ADGRF5: variants seen among roughly 807,000 people sequenced by gnomAD.
The protein encoded by ADGRF5 is G-protein coupled receptor 116.
A neutral mutation model predicts 132.3 loss-of-function variants in ADGRF5; 75 were observed. The observed-to-expected ratio is 0.57, with a 90% CI of 0.47 to 0.69. The LOEUF (loss-of-function observed/expected upper bound fraction) is 0.69. Ranked by LOEUF, ADGRF5 falls within the 30% of genes least tolerant of loss-of-function variation. The pLI, the probability that ADGRF5 is intolerant of heterozygous loss-of-function variation, is 0.00. For synonymous variants in ADGRF5, 629 were observed against 597.6 expected, an observed-to-expected ratio of 1.05 and a Z score of -0.77; for missense variants, 1,516 against 1,630.6, an observed-to-expected ratio of 0.93 and a Z score of 1.21.
At chr6:46,935,086 C>T (rs1402665262) in intron 1 of ADGRF5, among the ~76,000 whole-genome samples, 1 of 149,328 alleles carries the variant, frequency 6.7e-6, no homozygotes, top group Non-Finnish European at 1.5e-5. Flanking sequence ...TCACTGCAAC[C>T]TCCGCCTCCC....
chr6:46,854,811 T>C (rs904581369), intron 20 of ADGRF5: 29 of 1,246,624 alleles, frequency 2.3e-5, no homozygotes, highest in Middle Eastern at 3.3e-4. Flanking sequence ...TTACGGTGCT[T>C]ATGGGGCCCC....
intron 1 of ADGRF5, among the ~76,000 whole-genome samples, chr6:46,949,811 A>C (rs1582090945): frequency 1.3e-5 from 2 of 152,336 alleles, no homozygotes; most frequent in Admixed American, 1.3e-4. Flanking sequence ...ATGTGTTTGC[A>C]GCACAAGAAG....
intron 1 of ADGRF5, among the ~76,000 whole-genome samples, chr6:46,951,902 A>G (rs1037006975): frequency 6.6e-6 from 1 of 152,216 alleles, no homozygotes; most frequent in Non-Finnish European, 1.5e-5. Flanking sequence ...TGGCTCTCTT[A>G]AGATCTCTTC....
intron 10 of ADGRF5, among the ~76,000 whole-genome samples, chr6:46,872,534 T>G (rs1581783304): frequency 6.6e-6 from 1 of 152,190 alleles, no homozygotes; most frequent in Admixed American, 6.5e-5. Flanking sequence ...GCACCTGATA[T>G]TCATCTTATT....
chr6:46,872,121 A>G (rs1771140922), intron 10 of ADGRF5, 108 bp from the exon 11 acceptor site: 1 of 732,690 alleles, frequency 1.4e-6, no homozygotes, highest in Non-Finnish European at 2.1e-6. Flanking sequence ...ATTTAAATAG[A>G]TTTCTTCTCT....
At chr6:46,867,826 T>C (rs1279868896) in intron 12 of ADGRF5, among the ~76,000 whole-genome samples, 1 of 152,096 alleles carries the variant, frequency 6.6e-6, no homozygotes, top group Non-Finnish European at 1.5e-5. Flanking sequence ...AAATTGAATA[T>C]AAAATGACAG....
At chr6:46,899,622 A>G (rs1210075445) in intron 3 of ADGRF5, among the ~76,000 whole-genome samples, 1 of 151,780 alleles carries the variant, frequency 6.6e-6, no homozygotes, top group East Asian at 1.9e-4. Context: ...TCGTGGTTAG[A>G]TTGCTTCACA....
chr6:46,877,263 C>A (rs1306458579), intron 10 of ADGRF5, among the ~76,000 whole-genome samples: 1 of 38,220 alleles, frequency 2.6e-5, no homozygotes, highest in African/African-American at 1.7e-4. Context: ...TTCTTTCTTT[C>A]TTTCTTTCTT....
At chr6:46,922,184 A>C (rs1777006876), upstream of ADGRF5, among the ~76,000 whole-genome samples, 2 of 152,234 alleles carry the variant, frequency 1.3e-5, no homozygotes, top group Admixed American at 6.5e-5. Flanking sequence ...AGCTAATGAG[A>C]AGTACAGGAT....
At chr6:46,941,190 C>G (rs897116684) in intron 1 of ADGRF5, among the ~76,000 whole-genome samples, 3 of 151,878 alleles carry the variant, frequency 2.0e-5, no homozygotes, top group Non-Finnish European at 4.4e-5. Context: ...AAAAGCCAGG[C>G]ATAGTGGCAA....
chr6:46,941,020 A>G (rs1778026825), intron 1 of ADGRF5, among the ~76,000 whole-genome samples: 1 of 152,140 alleles, frequency 6.6e-6, no homozygotes, highest in Non-Finnish European at 1.5e-5. Context: ...TGGGCCCCCA[A>G]CATTCTGGGA....
chr6:46,858,103 T>A (rs973268288), intron 17 of ADGRF5, 26 bp downstream of exon 17: 3 of 1,533,694 alleles, frequency 2.0e-6, no homozygotes, highest in Non-Finnish European at 2.7e-6. Flanking sequence ...AAAATCTTCC[T>A]GAAAGCTCCG....
chr6:46,885,385 A>T lies in ADGRF5; in HGVS notation c.329-1114T>A, dbSNP rs576940539. ...TAAGATTTCTGACCCTCAAAAACTG[A>T]GTCTATCTTCTAATAAGAGAACTAA... On this transcript the variant is annotated intron_variant, in intron 4 of 20. Coordinates refer to ENST00000283296, the MANE Select transcript of ADGRF5 (RefSeq NM_001098518.2). Among the ~76,000 whole-genome samples, 4 of 152,292 alleles carry T rather than the reference A, an allele frequency of 2.6e-5. No individual in the cohort carries two copies. In the South Asian group the frequency reaches 8.3e-4, roughly 32 times the overall value.
rs1772050184 is a variant in ADGRF5 at position 46,878,356 on chromosome 6, C to T, written c.1086G>A (p.Lys362=). Residue 362 remains lysine, a synonymous_variant, in exon 10 of 21, where the codon AAG becomes AAA. Transcript: ENST00000283296. Reference sequence around the variant, plus strand: ...GGATGGGCATAACATCTATTTTCTTCTTGCACTCATATTCAAAAATGTCTA... The same window carrying T: ...GGATGGGCATAACATCTATTTTCTTTTTGCACTCATATTCAAAAATGTCTA... ...LILDIFEYEC[K]KKIDVMPIQI... is the part of the protein sequence containing the mutation. 6.2e-7 allele frequency: 1 copy of T among 1,612,768 alleles called. No homozygotes were observed. Among genetic ancestry groups the T allele is most frequent in the Non-Finnish European group, 8.5e-7 (1 of 1,178,936 alleles).
At chr6:46,947,059 G>A (rs1778326317) in intron 1 of ADGRF5, among the ~76,000 whole-genome samples, 1 of 152,120 alleles carries the variant, frequency 6.6e-6, no homozygotes, top group African/African-American at 2.4e-5. Flanking sequence ...ATAAATATAT[G>A]GTCTTGAATT....
At chr6:46,936,634 T>C (rs1474545916) in intron 1 of ADGRF5, among the ~76,000 whole-genome samples, 1 of 152,152 alleles carries the variant, frequency 6.6e-6, no homozygotes, top group African/African-American at 2.4e-5. Context: ...TAAGAAGTAA[T>C]GAAAACAACT....
chr6:46,923,275 GT>G (rs1321973541), upstream of ADGRF5, among the ~76,000 whole-genome samples: 1 of 152,158 alleles, frequency 6.6e-6, no homozygotes, highest in East Asian at 1.9e-4. Context: ...ATAGTACTGA[GT>G]TTATAGACTC....
Position 46,859,218 on chromosome 6 carries a change from C to A in ADGRF5, c.2685G>T (p.Ser895=). 1.9e-6 allele frequency: 3 copies of A among 1,614,080 alleles called. No individual in the cohort carries two copies. The South Asian group carries it at 3.3e-5, about 18-fold the overall frequency. The change falls in exon 17 of 21, where the codon TCG becomes TCT. Residue 895 remains serine, a synonymous_variant. Coordinates refer to ENST00000283296, the MANE Select transcript of ADGRF5 (RefSeq NM_001098518.2). ...TTGGGAAAGCCATGGTGACAATAGACGAATCCGACTGCAAGTTTTCTAGAT... is the reference window on the plus strand; with the variant it reads ...TTGGGAAAGCCATGGTGACAATAGAAGAATCCGACTGCAAGTTTTCTAGAT... ...KSYLENLQSD[S]SIVTMAFPTL... is the part of the protein sequence containing the mutation.
At chr6:46,952,553 T>C (rs1165495913) in intron 1 of ADGRF5, among the ~76,000 whole-genome samples, 1 of 152,184 alleles carries the variant, frequency 6.6e-6, no homozygotes, top group East Asian at 1.9e-4. Flanking sequence ...GTACTCAAAA[T>C]ATTTGGTGAG....
Sources: allele counts gnomAD v4.1 joint callset (sites outside exome capture counted in the v4.1 genomes callset), GRCh38; gene constraint gnomAD v4.1.1; transcripts MANE v1.5; gene names NCBI Gene and HGNC (gene_info 2026-07-23, HGNC 2026-07-21).